The following TJP2 variants were observed in gnomAD, a reference collection of about 807,000 sequenced individuals.
TJP2 encodes Friedreich ataxia region gene X104 (tight junction protein ZO-2).
A neutral mutation model predicts 133.1 loss-of-function variants in TJP2; 91 were observed. The observed-to-expected ratio is 0.68, with a 90% CI of 0.58 to 0.81. TJP2 has a LOEUF of 0.81. Ranked by LOEUF, TJP2 falls within the 40% of genes least tolerant of loss-of-function variation. The pLI is 0.00. For missense variants in TJP2, 1,541 were observed against 1,565.6 expected (o/e 0.98, Z 0.26); for synonymous variants, 592 against 583.4 (o/e 1.01, Z -0.21).
intron 21 of TJP2, 94 bp from the exon 22 acceptor site, chr9:69,252,721 A>T: frequency 8.6e-7 from 1 of 1,169,242 alleles, no homozygotes; most frequent in Non-Finnish European, 1.3e-6. Flanking sequence ...TAAGTAGGAT[A>T]TGGGGAAAGG....
chr9:69,196,646 C>A (rs1469142906), intron 1 of TJP2, among the ~76,000 whole-genome samples: 1 of 152,006 alleles, frequency 6.6e-6, no homozygotes, highest in Non-Finnish European at 1.5e-5. Flanking sequence ...ATATACCATA[C>A]AATAAAAGTG....
intron 18 of TJP2, among the ~76,000 whole-genome samples, 177 bp from the exon 19 acceptor site, chr9:69,247,835 C>T (rs1478907254): frequency 1.3e-5 from 2 of 152,066 alleles, no homozygotes; most frequent in Non-Finnish European, 2.9e-5. Flanking sequence ...CAAAAACGAC[C>T]ATAATATCAA....
chr9:69,217,703 A>G (rs1188582975), intron 3 of TJP2, among the ~76,000 whole-genome samples: 1 of 152,242 alleles, frequency 6.6e-6, no homozygotes, highest in Non-Finnish European at 1.5e-5. Context: ...ATAAAATTAT[A>G]GTTAAGAAAG....
intron 1 of TJP2, among the ~76,000 whole-genome samples, chr9:69,197,265 ATTATTT>A (rs1826652444): frequency 1.3e-5 from 2 of 152,188 alleles, no homozygotes; most frequent in Admixed American, 1.3e-4. Context: ...CCCTGCTTAT[ATTATTT>A]TTAAGGATCA....
intron 1 of TJP2, among the ~76,000 whole-genome samples, chr9:69,195,064 A>G (rs566378032): frequency 7.2e-5 from 11 of 152,278 alleles, no homozygotes; most frequent in East Asian, 1.9e-4. Flanking sequence ...TGTGTTTCCT[A>G]TGGGGCCAAC....
In TJP2 at chr9:69,213,055, A is replaced by ATT. The variant is rs551659577; in HGVS notation, c.114+478_114+479dup. Among the ~76,000 whole-genome samples, 663 of 76,496 alleles carry ATT rather than the reference A, an allele frequency of 8.7e-3. 2 individuals carry two copies. Among genetic ancestry groups the ATT allele is most frequent in the Non-Finnish European group, 0.012 (482 of 40,100 alleles). The allele number at this position is 76,496 out of a possible 152,430, so 50.2% of individuals were successfully genotyped here. On this transcript the variant is annotated intron_variant, in intron 2 of 22. Transcript: ENST00000377245. ...TGGAGAACTGCACTCGTGGTTCTGC[A>ATT]TTTTTTTTTTTTTTTTTTTTTTTTT...
At chr9:69,137,329 CT>C (rs751674133) in intron 1 of TJP2, among the ~76,000 whole-genome samples, 3 of 111,774 alleles carry the variant, frequency 2.7e-5, no homozygotes, top group Non-Finnish European at 3.7e-5. Context: ...CTTTTCTTTT[CT>C]TTTTTTTTTT....
In TJP2 at chr9:69,240,073, C is replaced by G. The variant is rs778708131; in HGVS notation, c.2492C>G (p.Thr831Arg). Reference protein sequence around the residue: ...VKTMRQRLNPTSNKSSRKLFD... With the variant: ...VKTMRQRLNPRSNKSSRKLFD... ...ACCATGAGACAAAGGTTAAATCCAA[C>G]GTCCAACAAAAGTTCTCGAAAGTTA... Residue 831 changes from threonine (T) to arginine (R), a missense_variant, in exon 17 of 23, where the codon ACG becomes AGG. Transcript: ENST00000377245. 1.9e-6 allele frequency: 3 copies of G among 1,613,794 alleles called. No homozygotes were observed. The African/African-American group carries it at 4.0e-5, about 22-fold the overall frequency.
intron 9 of TJP2, among the ~76,000 whole-genome samples, 154 bp downstream of exon 9, chr9:69,228,268 A>G (rs1829500177): frequency 6.6e-6 from 1 of 152,224 alleles, no homozygotes; most frequent in South Asian, 2.1e-4. Context: ...AGAAAACCAC[A>G]CAGCACATGT....
At chr9:69,184,752 CTT>C (rs564424748) in intron 1 of TJP2, among the ~76,000 whole-genome samples, 13 of 125,850 alleles carry the variant, frequency 1.0e-4, no homozygotes, top group South Asian at 2.6e-4. Flanking sequence ...TCTCTCTCTT[CTT>C]TTTTTTTTTT....
chr9:69,193,690 T>A (rs116528037), intron 1 of TJP2, among the ~76,000 whole-genome samples: 2,530 of 137,904 alleles, frequency 0.018, 82 homozygotes, highest in African/African-American at 0.063. Flanking sequence ...TTTTTTTTTT[T>A]TATAACTTGC....
intron 1 of TJP2, among the ~76,000 whole-genome samples, chr9:69,190,833 G>A (rs1417275446): frequency 2.0e-5 from 3 of 152,216 alleles, no homozygotes; most frequent in Admixed American, 1.3e-4. Flanking sequence ...TGCTAGCTAA[G>A]AACTGTTCTT....
rs745846584 is a variant in TJP2, at chr9:69,218,242, A to T, written c.240-15A>T. ...TGGGAGTTTTTCATGACCCATTTTT[A>T]TTTCTTGTTTACAGAGAAAATGACA... On this transcript the variant is annotated splice_polypyrimidine_tract_variant and intron_variant, in intron 3 of 22. Transcript: ENST00000377245. The T allele has an allele frequency of 6.3e-7, 1 of 1,598,686 alleles. No homozygotes were observed. The highest frequency in any genetic ancestry group is 1.7e-5 in the Admixed American group (1 of 59,982).
intron 11 of TJP2, 87 bp from the exon 12 acceptor site, chr9:69,234,352 A>T: frequency 8.8e-7 from 1 of 1,136,468 alleles, no homozygotes; most frequent in Non-Finnish European, 1.2e-6. Flanking sequence ...GTGGCATCTT[A>T]CTATAAACTT....
intron 2 of TJP2, among the ~76,000 whole-genome samples, chr9:69,213,088 A>G (rs1296879821): frequency 8.2e-5 from 8 of 97,102 alleles, no homozygotes; most frequent in African/African-American, 2.9e-4. Context: ...TTTGAGACGG[A>G]ATTGCACTCT....
rs2133525956 is a variant in TJP2 at position 69,254,900 on chromosome 9, T to C, written c.*526T>C. The C allele has an allele frequency of 2.6e-6, 1 of 380,762 alleles. No homozygotes were observed. Among genetic ancestry groups the C allele is most frequent in the East Asian group, 3.9e-5 (1 of 25,812 alleles). The allele number at this position is 380,762 out of a possible 1,614,324, so 23.6% of individuals were successfully genotyped here. On this transcript the variant is annotated 3_prime_UTR_variant, in exon 23 of 23. Transcript: ENST00000377245. The stretch of plus-strand genomic sequence containing the variant: ...GGCAGAGCCATAATGGACTAAAACA[T>C]TTTGACTAAGTTTTTATACCAGCTT...
At chr9:69,164,711 A>G (rs762857138) in intron 2 of TJP2, among the ~76,000 whole-genome samples, 1 of 152,254 alleles carries the variant, frequency 6.6e-6, no homozygotes, top group Non-Finnish European at 1.5e-5. Context: ...GAAAGCAACA[A>G]TAACAGCCAC....
At chr9:69,170,672 G>A (rs1054455050), upstream of TJP2, among the ~76,000 whole-genome samples, 3 of 152,152 alleles carry the variant, frequency 2.0e-5, no homozygotes, top group Non-Finnish European at 2.9e-5. Flanking sequence ...TGACCTCCTC[G>A]AAATTCCATG....
chr9:69,242,855 A>C (rs1346935170), intron 17 of TJP2, among the ~76,000 whole-genome samples: 1 of 152,132 alleles, frequency 6.6e-6, no homozygotes, highest in African/African-American at 2.4e-5. Flanking sequence ...AGGCAGAATT[A>C]GTATTTTATA....
Sources: allele counts gnomAD v4.1 joint callset (sites outside exome capture counted in the v4.1 genomes callset), GRCh38; gene constraint gnomAD v4.1.1; transcripts MANE v1.5; gene names NCBI Gene and HGNC (gene_info 2026-07-23, HGNC 2026-07-21).